SCARA5: variants seen among roughly 807,000 people sequenced by gnomAD.
SCARA5 encodes scavenger receptor class A member 5, also known as scavenger receptor class A, member 5 (putative).
SCARA5 carries 45 observed loss-of-function variants against 46.3 expected under a neutral mutation model. The observed-to-expected ratio is 0.97, with a 90% CI of 0.76 to 1.24. SCARA5 has a LOEUF of 1.24. Among genes scored for constraint, SCARA5 ranks in the 50% most tolerant of loss-of-function variants. The pLI is 0.00. For synonymous variants in SCARA5, 333 were observed against 306.5 expected, an observed-to-expected ratio of 1.09 and a Z score of -0.90; for missense variants, 680 against 689.0, an observed-to-expected ratio of 0.99 and a Z score of 0.15.
intron 2 of SCARA5, 106 bp from the exon 3 acceptor site, chr8:27,966,648 T>C (rs73568976): frequency 7.6e-4 from 949 of 1,242,952 alleles, no homozygotes; most frequent in Non-Finnish European, 1.0e-3. Flanking sequence ...GATGTTCATG[T>C]TGAACTTCTC....
At chr8:27,909,822 C>T (rs2726993) in intron 4 of SCARA5, 79 bp from the exon 5 acceptor site, 596,091 of 984,462 alleles carry the variant, frequency 0.61, 182,631 homozygotes, top group Non-Finnish European at 0.63. Flanking sequence ...GGAAACAAAA[C>T]GCCCTCTCTG....
At chr8:27,913,328 C>T (rs984768516) in intron 4 of SCARA5, among the ~76,000 whole-genome samples, 1 of 152,182 alleles carries the variant, frequency 6.6e-6, no homozygotes, top group African/African-American at 2.4e-5. Flanking sequence ...GATGATTTGG[C>T]CAGAGCCTCG....
intron 4 of SCARA5, among the ~76,000 whole-genome samples, chr8:27,912,630 T>A (rs1331811825): frequency 6.6e-6 from 1 of 152,212 alleles, no homozygotes; most frequent in African/African-American, 2.4e-5. Context: ...GGTACCTAGA[T>A]CTCTGCTGCT....
intron 8 of SCARA5, among the ~76,000 whole-genome samples, chr8:27,875,173 TCCTCCCTC>T (rs1202928668): frequency 2.7e-5 from 4 of 150,248 alleles, no homozygotes; most frequent in South Asian, 4.3e-4. Flanking sequence ...CTCCCTCTGT[TCCTCCCTC>T]CCTCCCTCCC....
chr8:27,895,908 T>C (rs912235470), intron 7 of SCARA5, among the ~76,000 whole-genome samples: 1 of 152,186 alleles, frequency 6.6e-6, no homozygotes, highest in Non-Finnish European at 1.5e-5. Flanking sequence ...CGGTGTTCAA[T>C]AAAAAGTGTG....
chr8:27,906,090 G>A (rs2726986), intron 6 of SCARA5, among the ~76,000 whole-genome samples: 84,423 of 152,066 alleles, frequency 0.56, 24,122 homozygotes, highest in Non-Finnish European at 0.63. Flanking sequence ...ATCATAAAAG[G>A]AAGGAAAACC....
At chr8:27,955,061 G>T (rs1304068546) in intron 3 of SCARA5, among the ~76,000 whole-genome samples, 1 of 152,156 alleles carries the variant, frequency 6.6e-6, no homozygotes, top group Admixed American at 6.5e-5. Flanking sequence ...ACCCTCAGAG[G>T]TGGCACCTTG....
rs777057365 is a variant in SCARA5, at chr8:27,935,939, TTTTTATTTTTCC to T, written c.242-13706_242-13695del. On this transcript the variant is annotated intron_variant, in intron 3 of 8. Transcript: ENST00000354914. ...ACATTGGTAATTTTTCGATAAGCCC[TTTTTATTTTTCC>T]TTTTTAAAGAACCACATGCCCTGGT... Among the ~76,000 whole-genome samples, 71 of 152,160 alleles carry T rather than the reference TTTTTATTTTTCC, an allele frequency of 4.7e-4. 1 individual carries two copies. The highest frequency in any genetic ancestry group is 8.5e-4 in the Non-Finnish European group (58 of 68,028).
intron 2 of SCARA5, among the ~76,000 whole-genome samples, chr8:27,979,417 G>A (rs576709375): frequency 7.2e-4 from 109 of 152,294 alleles, no homozygotes; most frequent in Middle Eastern, 3.4e-3. Flanking sequence ...TTGCAAAAGC[G>A]TATGAGCCAG....
At chr8:27,900,003 T>G (rs1215034751) in intron 7 of SCARA5, among the ~76,000 whole-genome samples, 4 of 152,184 alleles carry the variant, frequency 2.6e-5, no homozygotes, top group Middle Eastern at 3.4e-3. Flanking sequence ...CTGGGCATGA[T>G]GGCATGCACC....
At chr8:27,946,133 G>C (rs1457922901) in intron 3 of SCARA5, among the ~76,000 whole-genome samples, 4 of 152,192 alleles carry the variant, frequency 2.6e-5, no homozygotes, top group Non-Finnish European at 4.4e-5. Context: ...TGAAAACCTA[G>C]AGAAGTCGTG....
rs58408756 is a variant in SCARA5, at chr8:27,921,006, A to AAAAC, written c.916+561_916+564dup. ...AACAGAAAACAAAAAAACAAAATAC[A>AAAAC]AAACAAACAAACAAACAAAAAACAG... On this transcript the variant is annotated intron_variant, in intron 4 of 8. Transcript: ENST00000354914. 2.2e-3 allele frequency among the ~76,000 whole-genome samples: 341 copies of AAAAC among 151,746 alleles called. 1 individual carries two copies. Among genetic ancestry groups the AAAAC allele is most frequent in the African/African-American group, 5.5e-3 (227 of 41,378 alleles).
intron 8 of SCARA5, among the ~76,000 whole-genome samples, chr8:27,877,756 C>T (rs1422212189): frequency 2.0e-5 from 3 of 152,110 alleles, no homozygotes; most frequent in African/African-American, 4.8e-5. Flanking sequence ...TTCATGGTGC[C>T]GGATCCCTTC....
chr8:27,935,066 C>G lies in SCARA5; in HGVS notation c.242-12821G>C, dbSNP rs375960152. Among the ~76,000 whole-genome samples the G allele has an allele frequency of 1.7e-4, 26 of 152,312 alleles. No homozygotes were observed. The East Asian group carries it at 3.9e-3, about 23-fold the overall frequency. On this transcript the variant is annotated intron_variant, in intron 3 of 8. Coordinates refer to ENST00000354914, the MANE Select transcript of SCARA5 (RefSeq NM_173833.6). ...GTCTGTACTGACAGATTGTCAGCAG[C>G]CTCCAGAAGCTAGCTAGGATGCAGG... is the stretch of plus-strand genomic sequence containing the variant.
chr8:27,872,265 A>G (rs1806651699), intron 8 of SCARA5, among the ~76,000 whole-genome samples, 195 bp from the exon 9 acceptor site: 1 of 152,146 alleles, frequency 6.6e-6, no homozygotes. Flanking sequence ...CAGAATCACA[A>G]TAATTGTTGG....
intron 7 of SCARA5, among the ~76,000 whole-genome samples, chr8:27,893,741 T>C (rs1485561563): frequency 1.3e-5 from 2 of 152,238 alleles, no homozygotes; most frequent in East Asian, 3.9e-4. Context: ...ATCCCAGGGT[T>C]TTGCATCTGA....
At chr8:27,950,170 C>T (rs1808101741) in intron 3 of SCARA5, among the ~76,000 whole-genome samples, 1 of 81,230 alleles carries the variant, frequency 1.2e-5, no homozygotes, top group African/African-American at 4.2e-5. Context: ...AGGGGTCTAG[C>T]ACATCCTCCT....
chr8:27,907,212 G>A lies in SCARA5; in HGVS notation c.1032C>T (p.Pro344=), dbSNP rs556444276. ...GCTTCCCATCATCGCCCTTGGGCCC[G>A]GGCAATCCTGGGGTACCTCTCTCCC... ...LPGERGTPGL[P]GPKGDDGKLG... is the part of the protein sequence containing the mutation. The change falls in exon 6 of 9, where the codon CCC becomes CCT. Residue 344 remains proline (P), a synonymous_variant. Coordinates refer to ENST00000354914, the MANE Select transcript of SCARA5 (RefSeq NM_173833.6). 2.0e-5 allele frequency: 32 copies of A among 1,613,542 alleles called. No individual in the cohort carries two copies. In the African/African-American group the frequency reaches 2.1e-4, roughly 11 times the overall value.
chr8:27,950,414 G>T (rs1301268602), intron 3 of SCARA5, among the ~76,000 whole-genome samples: 1 of 14,220 alleles, frequency 7.0e-5, no homozygotes, highest in African/African-American at 1.5e-4. Flanking sequence ...GCCCGTGCTT[G>T]GGGGGCATCC....
Sources: gnomAD v4.1 joint callset for allele counts (sites outside exome capture counted in the v4.1 genomes callset) on GRCh38, gnomAD v4.1.1 for gene constraint, MANE v1.5 for transcripts, NCBI Gene and HGNC (gene_info 2026-07-23, HGNC 2026-07-21) for gene names.